The following KIAA1217 variants were observed in gnomAD, a reference collection of about 807,000 sequenced individuals.
The protein encoded by KIAA1217 is KIAA1217, also known as sickle tail protein homolog.
Under a neutral mutation model 163.9 loss-of-function variants are expected in KIAA1217, and 88 were observed. The ratio of observed to expected loss-of-function variants is 0.54; its 90% CI spans 0.45 to 0.64. The LOEUF (loss-of-function observed/expected upper bound fraction) is 0.64. Ranked by LOEUF, KIAA1217 falls within the 30% of genes least tolerant of loss-of-function variation. The probability of loss-of-function intolerance (pLI) is 0.00; values close to 1 mark genes in which losing one functional copy is unlikely to be tolerated. For synonymous variants in KIAA1217, 903 were observed against 923.1 expected (o/e 0.98, Z 0.39); for missense variants, 2,372 against 2,475.0 (o/e 0.96, Z 0.88).
chr10:24,419,558 A>C (rs1022254391), intron 3 of KIAA1217, among the ~76,000 whole-genome samples: 3 of 152,206 alleles, frequency 2.0e-5, no homozygotes, highest in Non-Finnish European at 2.9e-5. Context: ...GACCTCATAC[A>C]GAAGATTAAA....
chr10:24,279,296 A>G (rs1012541137), intron 2 of KIAA1217, among the ~76,000 whole-genome samples: 3 of 151,842 alleles, frequency 2.0e-5, no homozygotes, highest in East Asian at 3.9e-4. Context: ...TTTTAAAAAA[A>G]GATCTGCAGA....
intron 10 of KIAA1217, 117 bp from the exon 11 acceptor site, chr10:24,520,006 G>GA: frequency 8.6e-7 from 1 of 1,158,168 alleles, no homozygotes; most frequent in Non-Finnish European, 1.2e-6. Flanking sequence ...ACGAAAGGCA[G>GA]GGGGGAGGAG....
intron 9 of KIAA1217, among the ~76,000 whole-genome samples, chr10:24,504,005 G>T (rs118079257): frequency 1.3e-5 from 2 of 152,188 alleles, no homozygotes; most frequent in Admixed American, 1.3e-4. Context: ...TTTCACAGGC[G>T]TTAGAGGTGA....
chr10:24,054,445 C>T (rs1849739906), intron 2 of KIAA1217, among the ~76,000 whole-genome samples: 1 of 152,060 alleles, frequency 6.6e-6, no homozygotes, highest in African/African-American at 2.4e-5. Flanking sequence ...GAAAGTAGCC[C>T]AGGACCCTGG....
At position 24,200,540 on chromosome 10, in the gene KIAA1217, T is replaced by A. The variant is rs11013953; in HGVS notation, c.-170-19086T>A. ...TTTCGCCTGCCATACTGCCTGCATC[T>A]GGGGTGACCAACTCAACCCAGTTTT... On this transcript the variant is annotated intron_variant, in intron 2 of 18. Transcript: ENST00000376462. 2.3e-3 allele frequency among the ~76,000 whole-genome samples: 354 copies of A among 152,318 alleles called. 4 individuals carry two copies. The East Asian group carries it at 0.055, about 24-fold the overall frequency.
At chr10:24,129,095 T>C (rs1329473871) in intron 2 of KIAA1217, among the ~76,000 whole-genome samples, 1 of 152,182 alleles carries the variant, frequency 6.6e-6, no homozygotes, top group Non-Finnish European at 1.5e-5. Flanking sequence ...GTGGGCCATA[T>C]TGAGCTAGGC....
At chr10:23,864,193 T>A (rs1840079388) in intron 1 of KIAA1217, among the ~76,000 whole-genome samples, 1 of 151,900 alleles carries the variant, frequency 6.6e-6, no homozygotes, top group Non-Finnish European at 1.5e-5. Flanking sequence ...TGAGCCCAGA[T>A]ACACCTGATG....
intron 1 of KIAA1217, among the ~76,000 whole-genome samples, chr10:24,001,221 T>C (rs1846729924): frequency 6.6e-6 from 1 of 152,250 alleles, no homozygotes; most frequent in South Asian, 2.1e-4. Flanking sequence ...GTTACTTATG[T>C]ACTATTTTCC....
chr10:24,053,259 G>A (rs1849646821), intron 2 of KIAA1217, among the ~76,000 whole-genome samples: 1 of 151,900 alleles, frequency 6.6e-6, no homozygotes, highest in Non-Finnish European at 1.5e-5. Flanking sequence ...TATCTCTCAG[G>A]AACACAGATA....
At chr10:24,141,187 A>T (rs2064051463) in intron 2 of KIAA1217, among the ~76,000 whole-genome samples, 1 of 150,260 alleles carries the variant, frequency 6.7e-6, no homozygotes, top group Admixed American at 6.6e-5. Context: ...TGGCTCAAGG[A>T]GCAAAAAGGA....
chr10:23,926,256 T>C (rs1843014295), intron 1 of KIAA1217, among the ~76,000 whole-genome samples: 1 of 152,166 alleles, frequency 6.6e-6, no homozygotes, highest in East Asian at 1.9e-4. Context: ...GGCAGAAGTG[T>C]AGCCACTTAA....
chr10:23,860,910 TA>T (rs1257695981), intron 1 of KIAA1217, among the ~76,000 whole-genome samples: 1 of 151,958 alleles, frequency 6.6e-6, no homozygotes, highest in Non-Finnish European at 1.5e-5. Flanking sequence ...TTCTTTCTTT[TA>T]TTTTTTTCTT....
intron 2 of KIAA1217, among the ~76,000 whole-genome samples, chr10:24,138,062 G>T (rs2063901489): frequency 6.6e-6 from 1 of 152,188 alleles, no homozygotes; most frequent in Non-Finnish European, 1.5e-5. Flanking sequence ...TGAACGTATA[G>T]TAGCATAAGG....
In KIAA1217 at chr10:24,473,441, C is replaced by G. The variant is rs2063729599; in HGVS notation, c.1060C>G (p.Leu354Val). 6.2e-7 allele frequency: 1 copy of G among 1,614,142 alleles called. No individual in the cohort carries two copies. The highest frequency in any genetic ancestry group is 8.5e-7 in the Non-Finnish European group (1 of 1,180,024). The part of the protein sequence containing the change: ...ATIPRDRISS[L>V]PVSRPISPSP... ...CATCCCCAGGGACAGAATCTCCAGC[C>G]TGCCAGTCTCCAGACCCATCTCTCC... The change falls in exon 6 of 21, where the codon CTG becomes GTG. Residue 354 changes from leucine to valine, a missense_variant. Around this residue, in one of 3 missense-constraint regions of KIAA1217, gnomAD observed 1,431 missense variants for 1,470.3 expected, o/e 0.97. Coordinates refer to ENST00000376454, the MANE Select transcript of KIAA1217 (RefSeq NM_019590.5).
intron 2 of KIAA1217, among the ~76,000 whole-genome samples, chr10:24,192,807 C>T (rs1160768093): frequency 5.9e-5 from 9 of 152,218 alleles, no homozygotes; most frequent in Non-Finnish European, 1.2e-4. Flanking sequence ...GAGACAGGAT[C>T]TCACTCTGTC....
At chr10:23,794,163 C>A (rs1037750025) in intron 1 of KIAA1217, among the ~76,000 whole-genome samples, 3 of 152,184 alleles carry the variant, frequency 2.0e-5, no homozygotes, top group African/African-American at 7.2e-5. Flanking sequence ...TGTCTTCCCA[C>A]CTGTTGATGG....
chr10:24,376,753 G>C (rs2052549999), intron 2 of KIAA1217, among the ~76,000 whole-genome samples: 1 of 152,130 alleles, frequency 6.6e-6, no homozygotes. Context: ...TAGAGACCCT[G>C]TCTGACTGAA....
At chr10:23,771,881 A>G (rs1054637280) in intron 1 of KIAA1217, among the ~76,000 whole-genome samples, 4 of 152,220 alleles carry the variant, frequency 2.6e-5, no homozygotes, top group African/African-American at 9.6e-5. Context: ...CTCTGCTGCA[A>G]TTATCTTCTG....
chr10:24,366,091 T>C (rs1158884497), intron 2 of KIAA1217, among the ~76,000 whole-genome samples: 2 of 152,166 alleles, frequency 1.3e-5, no homozygotes, highest in Non-Finnish European at 2.9e-5. Context: ...ATTATAGAAA[T>C]TTTCATTTTT....
Sources: allele counts gnomAD v4.1 joint callset (sites outside exome capture counted in the v4.1 genomes callset), GRCh38; gene constraint gnomAD v4.1.1; regional missense constraint gnomAD v4.1.1; transcripts MANE v1.5; gene names NCBI Gene and HGNC (gene_info 2026-07-23, HGNC 2026-07-21).